MAP3K3: variants seen among roughly 807,000 people sequenced by gnomAD.
MAP3K3 encodes the protein mitogen-activated protein kinase kinase kinase 3, also known as MAP/ERK kinase kinase 3.
Under a neutral mutation model 80.9 loss-of-function variants are expected in MAP3K3, and 12 were observed. The observed-to-expected ratio is 0.15, with a 90% CI of 0.10 to 0.24. The LOEUF is 0.24. Ranked by LOEUF, MAP3K3 falls within the 10% of genes least tolerant of loss-of-function variation. The pLI, the probability that MAP3K3 is intolerant of heterozygous loss-of-function variation, is 1.00. For synonymous variants in MAP3K3, 272 were observed against 307.1 expected (o/e 0.89, Z 1.19); for missense variants, 596 against 834.7 (o/e 0.71, Z 3.52).
At chr17:63,673,250 A>G (rs776631537) in intron 6 of MAP3K3, among the ~76,000 whole-genome samples, 1 of 152,210 alleles carries the variant, frequency 6.6e-6, no homozygotes, top group Non-Finnish European at 1.5e-5. Flanking sequence ...ATAAACACAG[A>G]TAAAATCTTT....
At chr17:63,664,651 C>G (rs2034964523) in intron 5 of MAP3K3, among the ~76,000 whole-genome samples, 1 of 152,184 alleles carries the variant, frequency 6.6e-6, no homozygotes, top group South Asian at 2.1e-4. Context: ...GTGTTAGCCA[C>G]AGCTAACTTC....
At chr17:63,660,377 T>C (rs900648614) in intron 5 of MAP3K3, among the ~76,000 whole-genome samples, 4 of 151,742 alleles carry the variant, frequency 2.6e-5, no homozygotes, top group African/African-American at 9.7e-5. Context: ...CTTTTCTTTT[T>C]TTTTTTTTAA....
intron 2 of MAP3K3, among the ~76,000 whole-genome samples, chr17:63,638,405 A>T (rs944692906): frequency 1.3e-5 from 2 of 152,212 alleles, no homozygotes; most frequent in African/African-American, 4.8e-5. Context: ...GTTAGTTCAT[A>T]AACCTTTGGT....
intron 2 of MAP3K3, chr17:63,636,882 G>T: frequency 2.4e-6 from 1 of 422,186 alleles, no homozygotes. Context: ...TCAAGCCTTG[G>T]GACAATGAGA....
chr17:63,691,033 G>A lies in MAP3K3; in HGVS notation c.1213-69G>A, dbSNP rs780913663. 1.3e-4 allele frequency: 212 copies of A among 1,598,560 alleles called. No individual in the cohort carries two copies. The highest frequency in any genetic ancestry group is 1.7e-4 in the Non-Finnish European group (202 of 1,171,022). On this transcript the variant is annotated intron_variant, in intron 12 of 15. Transcript: ENST00000361733. The surrounding 1 kb of genome is among the most constrained non-coding windows in gnomAD (Gnocchi z 4.8). Reference sequence around the variant, plus strand: ...CCTGTGAGGCCACTAACTAGGGCAAGCTGAGCTGAACCCAGGCGGGCAGAA... The same window carrying A: ...CCTGTGAGGCCACTAACTAGGGCAAACTGAGCTGAACCCAGGCGGGCAGAA...
At chr17:63,659,234 G>A (rs1266051297) in intron 5 of MAP3K3, among the ~76,000 whole-genome samples, 3 of 152,214 alleles carry the variant, frequency 2.0e-5, no homozygotes, top group Admixed American at 1.3e-4. Flanking sequence ...CTCTTGAGTC[G>A]ATATACCATA....
chr17:63,694,924 G>C lies in MAP3K3; in HGVS notation c.*1147G>C. 6.5e-6 allele frequency: 1 copy of C among 153,726 alleles called. No homozygotes were observed. The allele number at this position is 153,726 out of a possible 1,614,324, so 9.5% of individuals were successfully genotyped here. ...GTAGCTCCTCCCCTGGAGGGGGAATGGCAGCAGGGGTTGGGGAAACAGCAT... is the reference window on the plus strand; with the variant it reads ...GTAGCTCCTCCCCTGGAGGGGGAATCGCAGCAGGGGTTGGGGAAACAGCAT... On this transcript the variant is annotated 3_prime_UTR_variant, in exon 16 of 16. Coordinates refer to ENST00000361733, the MANE Select transcript of MAP3K3 (RefSeq NM_002401.5).
chr17:63,657,061 A>T (rs956287754), intron 4 of MAP3K3, among the ~76,000 whole-genome samples: 4 of 152,140 alleles, frequency 2.6e-5, no homozygotes, highest in Admixed American at 1.3e-4. Context: ...AAACCGTGCT[A>T]TGCAGTCTAA....
Position 63,691,273 on chromosome 17 carries a change from A to C in MAP3K3, c.1344+40A>C. ...AATGCATGTGAGACACACACAAAAG[A>C]GGGCCTGACCTGGGGGCTGGGGCCT... On this transcript the variant is annotated intron_variant, in intron 13 of 15. Coordinates refer to ENST00000361733, the MANE Select transcript of MAP3K3 (RefSeq NM_002401.5). This position sits in a 1 kb window ranked among gnomAD's most constrained non-coding sequence, Gnocchi z 4.8. The C allele has an allele frequency of 6.2e-7, 1 of 1,613,318 alleles. No individual in the cohort carries two copies.
intron 6 of MAP3K3, among the ~76,000 whole-genome samples, chr17:63,676,295 C>T (rs776668831): frequency 6.6e-6 from 1 of 152,222 alleles, no homozygotes; most frequent in Non-Finnish European, 1.5e-5. Context: ...CTCCTGTGAG[C>T]TAGTCCCATC....
intron 5 of MAP3K3, among the ~76,000 whole-genome samples, chr17:63,659,769 G>A (rs2034849296): frequency 6.6e-6 from 1 of 151,976 alleles, no homozygotes. Context: ...CTGACCTTGT[G>A]ATCCGCCCGC....
intron 2 of MAP3K3, among the ~76,000 whole-genome samples, chr17:63,634,063 TTTG>T (rs750330847): frequency 3.3e-5 from 5 of 152,192 alleles, no homozygotes; most frequent in Non-Finnish European, 5.9e-5. Flanking sequence ...AAAAGCTGCT[TTTG>T]TTGTTGTTAC....
intron 5 of MAP3K3, among the ~76,000 whole-genome samples, chr17:63,659,614 C>A (rs1416202977): frequency 2.7e-5 from 4 of 147,428 alleles, no homozygotes; most frequent in Non-Finnish European, 5.9e-5. Context: ...CTCACTGCAA[C>A]CTCCACCTCC....
chr17:63,688,132 C>G (rs1191423512), intron 8 of MAP3K3: 1 of 270,168 alleles, frequency 3.7e-6, no homozygotes, highest in Non-Finnish European at 7.2e-6. Flanking sequence ...ATGAGAAAAA[C>G]CTCACTTTAG....
intron 12 of MAP3K3, 97 bp downstream of exon 12, chr17:63,690,509 TCC>T: frequency 7.5e-7 from 1 of 1,324,840 alleles, no homozygotes; most frequent in Non-Finnish European, 1.0e-6. Flanking sequence ...GTAGGTTGCT[TCC>T]TCTGTCATTC....
At chr17:63,666,895 G>T in intron 5 of MAP3K3, 45 bp from the exon 6 acceptor site, 1 of 1,608,186 alleles carries the variant, frequency 6.2e-7, no homozygotes, top group South Asian at 1.1e-5. Flanking sequence ...TGATAGGCCT[G>T]ACTGTGTAAA....
At chr17:63,639,257 A>G (rs57349827) in intron 2 of MAP3K3, among the ~76,000 whole-genome samples, 6,120 of 152,244 alleles carry the variant, frequency 0.04, 256 homozygotes, top group African/African-American at 0.1. Flanking sequence ...TGAAGGAAGT[A>G]TAAACAGTTA....
In MAP3K3 at chr17:63,681,910, G is replaced by C. The variant is rs202150596; in HGVS notation, c.636+11G>C. On this transcript the variant is annotated intron_variant, in intron 7 of 15. Transcript: ENST00000361733. ...ACCAGCGAGCAGTGCGTGAGTATAG[G>C]GGGGCTGGGATATGCCTGTGGCCTG... 8.0e-4 allele frequency: 1,123 copies of C among 1,397,662 alleles called. No individual in the cohort carries two copies. Among genetic ancestry groups the C allele is most frequent in the Non-Finnish European group, 9.9e-4 (1,049 of 1,061,746 alleles). The allele number at this position is 1,397,662 out of a possible 1,614,324, so 86.6% of individuals were successfully genotyped here.
At chr17:63,664,900 C>T (rs2034969266) in intron 5 of MAP3K3, among the ~76,000 whole-genome samples, 1 of 152,090 alleles carries the variant, frequency 6.6e-6, no homozygotes, top group Admixed American at 6.6e-5. Context: ...TTTACCATAC[C>T]ATTCCCTTTT....
Sources: gnomAD v4.1 joint callset for allele counts (sites outside exome capture counted in the v4.1 genomes callset) on GRCh38, gnomAD v4.1.1 for gene constraint, Gnocchi (gnomAD v3.1) non-coding constraint, MANE v1.5 for transcripts, NCBI Gene and HGNC (gene_info 2026-07-23, HGNC 2026-07-21) for gene names.